SEMA3C: variants seen among roughly 807,000 people sequenced by gnomAD.
The protein encoded by SEMA3C is semaphorin-3C.
A neutral mutation model predicts 89.4 loss-of-function variants in SEMA3C; 47 were observed. The observed-to-expected ratio is 0.53, with a 90% CI of 0.42 to 0.67. The LOEUF (loss-of-function observed/expected upper bound fraction) is 0.67. SEMA3C is among the 30% of genes least tolerant of loss of function. SEMA3C has a pLI of 0.00. For synonymous variants in SEMA3C, 310 were observed against 320.2 expected (o/e 0.97, Z 0.34); for missense variants, 839 against 929.1 (o/e 0.90, Z 1.26).
intron 3 of SEMA3C, 53 bp from the exon 4 acceptor site, chr7:80,827,540 C>T: frequency 7.1e-7 from 1 of 1,404,168 alleles, no homozygotes; most frequent in Non-Finnish European, 9.6e-7. Context: ...CATATGACAG[C>T]CCAGTGCTCT....
chr7:80,874,710 C>A (rs1791157951), intron 2 of SEMA3C, among the ~76,000 whole-genome samples: 1 of 151,934 alleles, frequency 6.6e-6, no homozygotes, highest in Admixed American at 6.6e-5. Context: ...TCAGTTAATC[C>A]ACCCACCTCG....
At chr7:80,808,888 C>CCT (rs1354693621) in intron 6 of SEMA3C, among the ~76,000 whole-genome samples, 1 of 152,112 alleles carries the variant, frequency 6.6e-6, no homozygotes, top group Non-Finnish European at 1.5e-5. Context: ...GATTCTCCTG[C>CCT]CTCAGCCTCC....
upstream of SEMA3C, chr7:80,919,154 G>A (rs1792352286): frequency 2.0e-6 from 2 of 984,614 alleles, no homozygotes; most frequent in Non-Finnish European, 2.4e-6. Context: ...CTGCAGGCTC[G>A]CATCACCACC....
chr7:80,800,791 T>G lies in SEMA3C; in HGVS notation c.952A>C (p.Thr318Pro), dbSNP rs1404180679. ...VFLLETDNPR[T>P]TLVYGIFTTS... Reference sequence around the variant, plus strand: ...GTAAAAATGCCATACACTAGTGTTGTCCTCGGGTTATCAGTTTCCAGCAGA... The same window carrying G: ...GTAAAAATGCCATACACTAGTGTTGGCCTCGGGTTATCAGTTTCCAGCAGA... Residue 318 changes from threonine (T) to proline (P), a missense_variant, in exon 10 of 18, where the codon ACA becomes CCA. Transcript: ENST00000265361. 6.6e-7 allele frequency: 1 copy of G among 1,519,042 alleles called. No individual in the cohort carries two copies. Among genetic ancestry groups the G allele is most frequent in the Non-Finnish European group, 8.8e-7 (1 of 1,139,148 alleles). The allele number at this position is 1,519,042 out of a possible 1,614,324, so 94.1% of individuals were successfully genotyped here.
chr7:80,816,744 A>C (rs1230916131), intron 5 of SEMA3C, among the ~76,000 whole-genome samples: 10 of 152,190 alleles, frequency 6.6e-5, no homozygotes, highest in Non-Finnish European at 1.5e-4. Flanking sequence ...TCATTAATGA[A>C]ACTGCTTCTC....
chr7:80,812,594 A>G (rs1583901533), intron 5 of SEMA3C, among the ~76,000 whole-genome samples: 1 of 152,194 alleles, frequency 6.6e-6, no homozygotes, highest in East Asian at 1.9e-4. Context: ...CTCTCAACTG[A>G]CCTACTCCTA....
intron 2 of SEMA3C, among the ~76,000 whole-genome samples, chr7:80,882,405 A>G: frequency 7.2e-6 from 1 of 138,066 alleles, no homozygotes; most frequent in African/African-American, 2.8e-5. Flanking sequence ...GGAATTTGTA[A>G]GGGATGCTTT....
At chr7:80,828,474 A>C in intron 3 of SEMA3C, 111 bp downstream of exon 3, 1 of 820,604 alleles carries the variant, frequency 1.2e-6, no homozygotes, top group East Asian at 2.7e-5. Flanking sequence ...ACATGGGACC[A>C]GTATTTTCTA....
upstream of SEMA3C, chr7:80,919,471 T>C: frequency 1.0e-5 from 8 of 781,712 alleles, no homozygotes; most frequent in Non-Finnish European, 1.2e-5. Context: ...TGTGGTTTTT[T>C]ATTTTTGCCA....
chr7:80,798,190 T>C lies in SEMA3C; in HGVS notation c.1033A>G (p.Ile345Val). The C allele has an allele frequency of 6.3e-7, 1 of 1,591,020 alleles. No homozygotes were observed. The highest frequency in any genetic ancestry group is 8.5e-7 in the Non-Finnish European group (1 of 1,171,110). ...AAAGGCCCATTAAACACAGTCTGTA[T>C]ATCAGATAAATGATACACACACACG... ...SAVCVYHLSDIQTVFNGPFAH... is the reference protein window; with the variant it reads ...SAVCVYHLSDVQTVFNGPFAH... The change falls in exon 11 of 18, where the codon ATA (isoleucine) becomes GTA (valine). Residue 345 changes from isoleucine (I) to valine (V), a missense_variant. By Grantham distance (29) the Ile-to-Val change is conservative. Transcript: ENST00000265361.
At chr7:80,911,160 T>G (rs1357553930) in intron 2 of SEMA3C, among the ~76,000 whole-genome samples, 2 of 152,198 alleles carry the variant, frequency 1.3e-5, no homozygotes, top group Admixed American at 6.5e-5. Context: ...CTAAGAGCAA[T>G]GTAAAATTCT....
chr7:80,817,608 C>T (rs1562888980), intron 5 of SEMA3C, among the ~76,000 whole-genome samples: 1 of 151,926 alleles, frequency 6.6e-6, no homozygotes. Context: ...CAACCAGCCT[C>T]ATATTTGACT....
intron 12 of SEMA3C, among the ~76,000 whole-genome samples, chr7:80,778,387 G>A (rs17154432): frequency 0.017 from 2,612 of 152,186 alleles, 66 homozygotes; most frequent in Admixed American, 0.07. Context: ...ATGTAAATTC[G>A]GGGCTAATCT....
At chr7:80,827,392 G>GTT (rs36066966) in intron 4 of SEMA3C, 33 bp downstream of exon 4, 56,402 of 1,204,798 alleles carry the variant, frequency 0.047, 192 homozygotes, top group South Asian at 0.051. Context: ...TTAAGTTAGT[G>GTT]TTTTTTTTTT....
chr7:80,821,417 TG>T (rs1422064179), intron 4 of SEMA3C, among the ~76,000 whole-genome samples: 10 of 152,124 alleles, frequency 6.6e-5, no homozygotes, highest in African/African-American at 2.4e-4. Flanking sequence ...AGTCCACAGT[TG>T]TTTTTTTTTG....
chr7:80,817,617 CTATACATTAGCTATATAT>C (rs1789639969), intron 5 of SEMA3C, among the ~76,000 whole-genome samples: 1 of 152,102 alleles, frequency 6.6e-6, no homozygotes, highest in East Asian at 1.9e-4. Context: ...TCATATTTGA[CTATACATTAGCTATATAT>C]TTGACTAGTG....
At chr7:80,916,897 A>G (rs915700471) in intron 1 of SEMA3C, 78 bp from the exon 2 acceptor site, 1 of 1,181,968 alleles carries the variant, frequency 8.5e-7, no homozygotes, top group South Asian at 1.5e-5. Context: ...TCTAGACAAA[A>G]CACCCTATTC....
intron 2 of SEMA3C, among the ~76,000 whole-genome samples, chr7:80,869,818 G>A (rs987404967): frequency 6.6e-6 from 1 of 152,042 alleles, no homozygotes; most frequent in South Asian, 2.1e-4. Flanking sequence ...AAACCAAAAA[G>A]GGCTGGGTGT....
At chr7:80,828,863 G>T in intron 2 of SEMA3C, 118 bp from the exon 3 acceptor site, 1 of 772,172 alleles carries the variant, frequency 1.3e-6, no homozygotes, top group Non-Finnish European at 2.0e-6. Context: ...TTCTTCTACA[G>T]TAAGAAATTA....
Sources: gnomAD v4.1 joint callset for allele counts (sites outside exome capture counted in the v4.1 genomes callset) on GRCh38, gnomAD v4.1.1 for gene constraint, MANE v1.5 for transcripts, NCBI Gene and HGNC (gene_info 2026-07-23, HGNC 2026-07-21) for gene names.